ASH1L: variants seen among roughly 807,000 people sequenced by gnomAD.
ASH1L encodes the protein ASH1 like histone lysine methyltransferase.
Under a neutral mutation model 269.0 loss-of-function variants are expected in ASH1L, and 23 were observed. The ratio of observed to expected loss-of-function variants is 0.09; its 90% CI spans 0.06 to 0.12. The LOEUF is 0.12. Ranked by LOEUF, ASH1L falls within the 10% of genes least tolerant of loss-of-function variation. ASH1L has a pLI of 1.00. For missense variants in ASH1L, 2,912 were observed against 3,567.8 expected, an observed-to-expected ratio of 0.82 and a Z score of 4.68; for synonymous variants, 1,187 against 1,253.5, an observed-to-expected ratio of 0.95 and a Z score of 1.12.
At chr1:155,490,713 T>C (rs1443692399) in intron 2 of ASH1L, among the ~76,000 whole-genome samples, 1 of 151,276 alleles carries the variant, frequency 6.6e-6, no homozygotes, top group African/African-American at 2.4e-5. Flanking sequence ...TCCCAACACT[T>C]TGGGAAGCTG....
At chr1:155,513,958 A>C (rs946263112) in intron 2 of ASH1L, among the ~76,000 whole-genome samples, 1 of 152,240 alleles carries the variant, frequency 6.6e-6, no homozygotes, top group African/African-American at 2.4e-5. Flanking sequence ...CTGGAATATT[A>C]TTCAGCCTTA....
At chr1:155,531,597 TAGC>T (rs1404963089) in intron 1 of ASH1L, among the ~76,000 whole-genome samples, 1 of 152,130 alleles carries the variant, frequency 6.6e-6, no homozygotes, top group African/African-American at 2.4e-5. Context: ...ATTACATAAA[TAGC>T]AGAGTACCAA....
intron 3 of ASH1L, among the ~76,000 whole-genome samples, chr1:155,472,976 A>G (rs187445210): frequency 1.3e-5 from 2 of 152,284 alleles, no homozygotes; most frequent in East Asian, 3.9e-4. Flanking sequence ...TCTCATGATT[A>G]TACATATAAA....
At chr1:155,392,946 CCAAAGTGCTGGGATTA>C (rs926309890) in intron 7 of ASH1L, among the ~76,000 whole-genome samples, 1 of 152,012 alleles carries the variant, frequency 6.6e-6, no homozygotes. Context: ...CCTCAGCCTC[CCAAAGTGCTGGGATTA>C]CAAGTGTGAG....
intron 5 of ASH1L, 80 bp from the exon 6 acceptor site, chr1:155,416,003 ACC>A: frequency 6.7e-6 from 8 of 1,193,202 alleles, no homozygotes; most frequent in Non-Finnish European, 9.1e-6. Context: ...AAAAAAAAAA[ACC>A]ATAGCAATTA....
intron 5 of ASH1L, among the ~76,000 whole-genome samples, chr1:155,431,897 G>T (rs1661638219): frequency 6.6e-6 from 1 of 152,116 alleles, no homozygotes; most frequent in African/African-American, 2.4e-5. Context: ...TTACAGGTGT[G>T]AGCCACCACA....
At chr1:155,434,206 G>C (rs1661885856) in intron 5 of ASH1L, 5 of 1,596,818 alleles carry the variant, frequency 3.1e-6, no homozygotes, top group African/African-American at 1.3e-5. Flanking sequence ...TCCCTGAGGG[G>C]GAAGCCTTTC....
intron 1 of ASH1L, 45 bp downstream of exon 1, chr1:155,562,106 TGA>T (rs1236639079): frequency 1.6e-6 from 2 of 1,253,048 alleles, no homozygotes; most frequent in Non-Finnish European, 2.3e-6. Context: ...ATTCAATCGC[TGA>T]GAGAGTGCTT....
At chr1:155,364,211 C>T (rs1475274279) in intron 12 of ASH1L, among the ~76,000 whole-genome samples, 2 of 152,158 alleles carry the variant, frequency 1.3e-5, no homozygotes, top group Non-Finnish European at 2.9e-5. Context: ...TGCAGTGAGT[C>T]AAGATCGTCC....
chr1:155,515,385 C>T (rs924738891), intron 2 of ASH1L, among the ~76,000 whole-genome samples: 1 of 152,162 alleles, frequency 6.6e-6, no homozygotes, highest in Non-Finnish European at 1.5e-5. Context: ...TGCGTAAAAT[C>T]CTTCCCAAGA....
chr1:155,462,349 T>C (rs1664369161), intron 3 of ASH1L, among the ~76,000 whole-genome samples: 1 of 152,206 alleles, frequency 6.6e-6, no homozygotes, highest in Non-Finnish European at 1.5e-5. Flanking sequence ...TTGGTAGTGT[T>C]TCCTGAATTT....
At position 155,481,133 on chromosome 1, in the gene ASH1L, A is replaced by C. The variant is rs1217800339; in HGVS notation, c.1737T>G (p.Ala579=). The C allele has an allele frequency of 1.2e-6, 2 of 1,614,132 alleles. No individual in the cohort carries two copies. Among genetic ancestry groups the C allele is most frequent in the Non-Finnish European group, 1.7e-6 (2 of 1,179,994 alleles). ...TAGAACTTAAAAGTAATGGATTAGG[A>C]GCCAACTGTGAAGAAGTTTCAGGGG... ...RSPPETSSQL[A]PNPLLLSSTT... Residue 579 remains alanine, a synonymous_variant, in exon 3 of 28, where the codon GCT becomes GCG. Coordinates refer to ENST00000392403, the MANE Select transcript of ASH1L (RefSeq NM_018489.3).
At position 155,479,866 on chromosome 1, in the gene ASH1L, G is replaced by T; in HGVS notation, c.3004C>A (p.Leu1002Ile). The part of the protein sequence containing the change: ...LKRKKLLNQI[L>I]SSSVESSNKG... ...TTACTTGATTCTACAGAACTTGAAA[G>T]AATCTGATTCAACAGTTTCTTTCTC... The change falls in exon 3 of 28, where the codon CTT becomes ATT. Residue 1002 changes from leucine to isoleucine, a missense_variant. Physicochemically the swap from Leu to Ile is conservative, Grantham distance 5. Coordinates refer to ENST00000392403, the MANE Select transcript of ASH1L (RefSeq NM_018489.3). 6.2e-7 allele frequency: 1 copy of T among 1,613,430 alleles called. No homozygotes were observed. The highest frequency in any genetic ancestry group is 8.5e-7 in the Non-Finnish European group (1 of 1,179,724).
chr1:155,416,929 TC>T (rs1660259550), intron 5 of ASH1L, among the ~76,000 whole-genome samples: 1 of 149,776 alleles, frequency 6.7e-6, no homozygotes, highest in African/African-American at 2.5e-5. Flanking sequence ...TCTTTCCTTT[TC>T]TTTTTTTTTT....
chr1:155,363,405 A>G (rs1655138686), intron 12 of ASH1L, among the ~76,000 whole-genome samples: 1 of 150,584 alleles, frequency 6.6e-6, no homozygotes, highest in African/African-American at 2.4e-5. Flanking sequence ...CACCACGACT[A>G]GCTAATTTTT....
At chr1:155,450,678 C>T (rs1019049309) in intron 4 of ASH1L, among the ~76,000 whole-genome samples, 3 of 152,150 alleles carry the variant, frequency 2.0e-5, no homozygotes, top group Non-Finnish European at 2.9e-5. Flanking sequence ...ACCATATAAT[C>T]GAGGAATTCC....
chr1:155,519,518 T>C (rs377117196), intron 2 of ASH1L, among the ~76,000 whole-genome samples: 1 of 152,204 alleles, frequency 6.6e-6, no homozygotes, highest in African/African-American at 2.4e-5. Context: ...GAATGAAGTT[T>C]TGGCACATGC....
intron 2 of ASH1L, among the ~76,000 whole-genome samples, chr1:155,505,398 T>C (rs966570018): frequency 1.5e-4 from 23 of 152,236 alleles, no homozygotes; most frequent in African/African-American, 5.5e-4. Context: ...ATGGCAGTTA[T>C]CATGTCATAG....
chr1:155,490,020 G>A (rs1003560572), intron 2 of ASH1L, among the ~76,000 whole-genome samples: 9 of 150,962 alleles, frequency 6.0e-5, no homozygotes, highest in African/African-American at 2.2e-4. Flanking sequence ...CCAGGGTGGA[G>A]TGCAGTGGTG....
Sources: gnomAD v4.1 joint callset for allele counts (sites outside exome capture counted in the v4.1 genomes callset) on GRCh38, gnomAD v4.1.1 for gene constraint, MANE v1.5 for transcripts, NCBI Gene and HGNC (gene_info 2026-07-23, HGNC 2026-07-21) for gene names.